The following NPHP4 variants were observed in gnomAD, a reference collection of about 807,000 sequenced individuals.
NPHP4 encodes nephrocystin-4.
NPHP4 carries 151 observed loss-of-function variants against 155.8 expected under a neutral mutation model. That is an observed-to-expected ratio of 0.97 (90% CI 0.85 to 1.11). The LOEUF (loss-of-function observed/expected upper bound fraction) is 1.11, where lower values mean the gene tolerates loss of function less well. Ranked by LOEUF, NPHP4 falls within the 50% of genes least tolerant of loss-of-function variation. The pLI, the probability that NPHP4 is intolerant of heterozygous loss-of-function variation, is 0.00. For missense variants in NPHP4, 1,956 were observed against 1,925.7 expected (o/e 1.02, Z -0.29); for synonymous variants, 845 against 816.8 (o/e 1.03, Z -0.59).
intron 3 of NPHP4, among the ~76,000 whole-genome samples, chr1:5,976,888 C>T (rs902208520): frequency 6.6e-6 from 1 of 152,100 alleles, no homozygotes; most frequent in Non-Finnish European, 1.5e-5. Flanking sequence ...CCAGAGCAGG[C>T]CCCCATGGGA....
At chr1:5,868,459 A>G (rs892243818) in intron 23 of NPHP4, 2 of 234,530 alleles carry the variant, frequency 8.5e-6, no homozygotes, top group Non-Finnish European at 1.7e-5. Context: ...AATTGGGACA[A>G]CTGATAAAAA....
At chr1:5,941,289 C>CAAAA (rs66676950) in intron 9 of NPHP4, among the ~76,000 whole-genome samples, 2,180 of 44,742 alleles carry the variant, frequency 0.049, 9 homozygotes, top group Middle Eastern at 0.11. Context: ...GAGATCTAGA[C>CAAAA]AAAAAAAAAA....
intron 16 of NPHP4, among the ~76,000 whole-genome samples, chr1:5,898,906 A>G (rs1414119541): frequency 1.3e-5 from 2 of 152,186 alleles, no homozygotes; most frequent in Non-Finnish European, 2.9e-5. Context: ...CACATGCCTC[A>G]TGAACGACGA....
chr1:5,961,902 G>C lies in NPHP4; in HGVS notation c.565C>G (p.Leu189Val). 6.2e-7 allele frequency: 1 copy of C among 1,613,522 alleles called. No individual in the cohort carries two copies. The highest frequency in any genetic ancestry group is 1.1e-5 in the South Asian group (1 of 91,072). Residue 189 changes from leucine (L) to valine (V), a missense_variant, in exon 6 of 30, where the codon CTG becomes GTG. Transcript: ENST00000378156. ...GGCTCCAGGGCCGGGTGTGGCTTCA[G>C]CGTGTACTGCAGGCTGCAGTTCTCA... The part of the protein sequence containing the change: ...LIENCSLQYT[L>V]KPHPALEPAF...
At chr1:5,969,390 A>T (rs1652149378) in intron 3 of NPHP4, 131 bp from the exon 4 acceptor site, 1 of 511,718 alleles carries the variant, frequency 2.0e-6, no homozygotes, top group Non-Finnish European at 3.4e-6. Context: ...CCATGCCCTC[A>T]TGTGGTGTAC....
At chr1:5,921,616 GT>G (rs1289872666) in intron 11 of NPHP4, among the ~76,000 whole-genome samples, 2 of 152,154 alleles carry the variant, frequency 1.3e-5, no homozygotes, top group African/African-American at 4.8e-5. Context: ...GGTTATTCTG[GT>G]TTCTTCTCTA....
chr1:5,909,390 C>T (rs1645069134), intron 11 of NPHP4, among the ~76,000 whole-genome samples, 177 bp from the exon 12 acceptor site: 1 of 152,188 alleles, frequency 6.6e-6, no homozygotes. Flanking sequence ...CCAAAAGTGT[C>T]GCTGTCTATC....
At chr1:5,869,376 ATGCACACACTTCACACC>A (rs1184273982) in intron 23 of NPHP4, among the ~76,000 whole-genome samples, 1 of 152,112 alleles carries the variant, frequency 6.6e-6, no homozygotes, top group Non-Finnish European at 1.5e-5. Context: ...GCACACACAC[ATGCACACACTTCACACC>A]TGCACACACT....
chr1:5,927,880 A>C (rs775964011), intron 10 of NPHP4, 93 bp from the exon 11 acceptor site: 2 of 1,350,360 alleles, frequency 1.5e-6, no homozygotes, highest in African/African-American at 1.4e-5. Flanking sequence ...CTGCCCTAAA[A>C]CAAAGTCTAC....
At chr1:5,880,031 G>GCACACA in intron 19 of NPHP4, 83 bp downstream of exon 19, 1 of 1,329,148 alleles carries the variant, frequency 7.5e-7, no homozygotes. Flanking sequence ...ACACACGCAT[G>GCACACA]CACACACACA....
At chr1:5,987,281 A>T (rs1220592735) in intron 1 of NPHP4, among the ~76,000 whole-genome samples, 1 of 152,134 alleles carries the variant, frequency 6.6e-6, no homozygotes, top group Admixed American at 6.5e-5. Context: ...CCTCAAGAAG[A>T]GGTTGAATTC....
intron 9 of NPHP4, among the ~76,000 whole-genome samples, chr1:5,935,047 G>A (rs1156448970): frequency 6.6e-6 from 1 of 152,150 alleles, no homozygotes; most frequent in African/African-American, 2.4e-5. Context: ...ATGGCCCCAT[G>A]GTCTCTACTG....
chr1:5,952,653 C>G lies in NPHP4; in HGVS notation c.810+47G>C, dbSNP rs527426306. On this transcript the variant is annotated intron_variant, in intron 7 of 29. Transcript: ENST00000378156. ...CCTCCCTGCCCTACCCGGGTCCCAC[C>G]CCTGCCTGGCCCCACCCTGCCCCCC... 45 of 1,418,236 alleles carry G rather than the reference C, an allele frequency of 3.2e-5. No homozygotes were observed. In the African/African-American group the frequency reaches 5.1e-4, roughly 16 times the overall value. 87.9% of individuals were successfully genotyped at this position (1,418,236 alleles called of 1,614,324 possible). A position where few individuals can be genotyped will look rare whatever the true frequency, so the allele number is the denominator to read the frequency against.
Position 5,892,245 on chromosome 1 carries a change from A to G in NPHP4, c.2144-1217T>C, listed in dbSNP as rs555311951. 6.4e-4 allele frequency among the ~76,000 whole-genome samples: 98 copies of G among 152,248 alleles called. No individual in the cohort carries two copies. The highest frequency in any genetic ancestry group is 2.2e-3 in the African/African-American group (90 of 41,556). On this transcript the variant is annotated intron_variant, in intron 16 of 29. Coordinates refer to ENST00000378156, the MANE Select transcript of NPHP4 (RefSeq NM_015102.5). The surrounding 1 kb of genome is among the most constrained non-coding windows in gnomAD (Gnocchi z 4.5). ...AAGATGGGTGATTTCTGCATTTCCA[A>G]CTGAGGTACCGGGATCATCCCACTG...
chr1:5,988,264 A>C (rs1655767435), intron 1 of NPHP4, among the ~76,000 whole-genome samples: 1 of 152,234 alleles, frequency 6.6e-6, no homozygotes, highest in East Asian at 1.9e-4. Flanking sequence ...GAATATCCAC[A>C]ATGACCCAAG....
chr1:5,935,361 T>C (rs1646484534), intron 9 of NPHP4, among the ~76,000 whole-genome samples: 1 of 152,154 alleles, frequency 6.6e-6, no homozygotes, highest in Admixed American at 6.5e-5. Flanking sequence ...GGGTGGTCCC[T>C]GGCAATTCAA....
At chr1:5,869,917 T>C (rs569553181) in intron 23 of NPHP4, among the ~76,000 whole-genome samples, 3 of 152,320 alleles carry the variant, frequency 2.0e-5, no homozygotes, top group African/African-American at 7.2e-5. Context: ...TGCTGCAAAT[T>C]CATGGTCTTC....
chr1:5,946,404 C>T (rs1167604573), intron 9 of NPHP4, among the ~76,000 whole-genome samples: 1 of 152,196 alleles, frequency 6.6e-6, no homozygotes, highest in Non-Finnish European at 1.5e-5. Flanking sequence ...CAAACTCAAG[C>T]TTTACCACAC....
rs548500311 is a variant in NPHP4 at position 5,910,172 on chromosome 1, C to G, written c.1442-959G>C. Among the ~76,000 whole-genome samples the G allele has an allele frequency of 6.6e-6, 1 of 152,310 alleles. No individual in the cohort carries two copies. The highest frequency in any genetic ancestry group is 2.1e-4 in the South Asian group (1 of 4,822). ...AAGCCAGACCCCAAGCCCATCCTGA[C>G]GGGGCCACCTCTGCCCACTCAGAGG... On this transcript the variant is annotated intron_variant, in intron 11 of 29. Coordinates refer to ENST00000378156, the MANE Select transcript of NPHP4 (RefSeq NM_015102.5). This position sits in a 1 kb window ranked among gnomAD's most constrained non-coding sequence, Gnocchi z 5.4.
Sources: gnomAD v4.1 joint callset for allele counts (sites outside exome capture counted in the v4.1 genomes callset) on GRCh38, gnomAD v4.1.1 for gene constraint, Gnocchi (gnomAD v3.1) non-coding constraint, MANE v1.5 for transcripts, NCBI Gene and HGNC (gene_info 2026-07-23, HGNC 2026-07-21) for gene names.